The following DOCK8 variants were observed in gnomAD, a reference collection of about 807,000 sequenced individuals.
DOCK8 encodes dedicator of cytokinesis protein 8.
In DOCK8, 141 loss-of-function variants were observed where a neutral mutation model predicts 245.6. The ratio of observed to expected loss-of-function variants is 0.57; its 90% CI spans 0.50 to 0.66. The LOEUF (loss-of-function observed/expected upper bound fraction) is 0.66, where lower values mean the gene tolerates loss of function less well. Among genes scored for constraint, DOCK8 ranks in the 30% least tolerant of loss-of-function variants. DOCK8 has a pLI of 0.00. For synonymous variants in DOCK8, 1,168 were observed against 970.2 expected (o/e 1.20, Z -3.79); for missense variants, 2,965 against 2,603.4 (o/e 1.14, Z -3.02).
chr9:271,132 G>A (rs10967209), intron 1 of DOCK8, among the ~76,000 whole-genome samples: 17,726 of 152,254 alleles, frequency 0.12, 1,376 homozygotes, highest in East Asian at 0.39. Context: ...TAGCATCGAA[G>A]GTGCCTACAG....
chr9:228,341 T>C (rs1041663306), intron 1 of DOCK8, among the ~76,000 whole-genome samples: 1 of 152,198 alleles, frequency 6.6e-6, no homozygotes, highest in African/African-American at 2.4e-5. Context: ...TGCACCAGCA[T>C]TAAGACTTCT....
rs549953927 is a variant in DOCK8 at position 231,884 on chromosome 9, T to G, written c.53+16855T>G. Among the ~76,000 whole-genome samples the G allele has an allele frequency of 4.3e-3, 653 of 152,306 alleles. 7 individuals carry two copies. The highest frequency in any genetic ancestry group is 0.014 in the African/African-American group (593 of 41,568). On this transcript the variant is annotated intron_variant, in intron 1 of 47. Coordinates refer to ENST00000432829, the MANE Select transcript of DOCK8 (RefSeq NM_203447.4). ...TTCCTCTTTTCCTAATTGAATACCC[T>G]TTATTTCCTTCTCCTGCCTGATTGC...
At chr9:353,460 A>G (rs1185689854) in intron 14 of DOCK8, among the ~76,000 whole-genome samples, 1 of 152,216 alleles carries the variant, frequency 6.6e-6, no homozygotes, top group East Asian at 1.9e-4. Flanking sequence ...GTAGAGAACT[A>G]ATAAAGGATC....
In DOCK8 at chr9:401,025, CCTT is replaced by C. The variant is rs1173602550; in HGVS notation, c.3234+1768_3234+1770del. On this transcript the variant is annotated intron_variant, in intron 26 of 47. Transcript: ENST00000432829. ...ACCATTAGCTCCACCATGACCACCT[CCTT>C]CACCTCCACCATCACTTCTTCCACC... 6.0e-4 allele frequency among the ~76,000 whole-genome samples: 84 copies of C among 140,468 alleles called. 2 individuals are homozygous for C. Among genetic ancestry groups the C allele is most frequent in the Admixed American group, 1.1e-3 (15 of 13,868 alleles). 92.2% of individuals were successfully genotyped at this position (140,468 alleles called of 152,430 possible).
chr9:260,603 A>T lies in DOCK8; in HGVS notation c.54-11024A>T, dbSNP rs7864251. On this transcript the variant is annotated intron_variant, in intron 1 of 47. Coordinates refer to ENST00000432829, the MANE Select transcript of DOCK8 (RefSeq NM_203447.4). Reference sequence around the variant, plus strand: ...GACTTTATTCCACAGATATATTTATACATGTATGAGTTCACATGTACAGTT... The same window carrying T: ...GACTTTATTCCACAGATATATTTATTCATGTATGAGTTCACATGTACAGTT... 2.5e-3 allele frequency among the ~76,000 whole-genome samples: 375 copies of T among 152,352 alleles called. 1 individual carries two copies. The highest frequency in any genetic ancestry group is 8.6e-3 in the African/African-American group (356 of 41,570).
chr9:310,938 A>C (rs2130681655), intron 5 of DOCK8, among the ~76,000 whole-genome samples: 1 of 152,298 alleles, frequency 6.6e-6, no homozygotes, highest in Admixed American at 6.5e-5. Context: ...AATATGGCAA[A>C]GCATGAGAGG....
chr9:332,918 A>T (rs919518484), intron 10 of DOCK8, among the ~76,000 whole-genome samples: 4 of 151,896 alleles, frequency 2.6e-5, no homozygotes, highest in Non-Finnish European at 4.4e-5. Flanking sequence ...TCAGCCTCCC[A>T]AAGTGTTGGG....
At chr9:365,872 A>C (rs554058136) in intron 14 of DOCK8, 64 of 325,538 alleles carry the variant, frequency 2.0e-4, no homozygotes, top group South Asian at 7.8e-4. Context: ...CTGCACCCCA[A>C]CTGTCAACTG....
chr9:454,249 C>T (rs1208816598), intron 46 of DOCK8: 1 of 152,066 alleles, frequency 6.6e-6, no homozygotes, highest in Non-Finnish European at 1.5e-5. Flanking sequence ...GCTTTAGTTA[C>T]CCATGGTTTG....
Position 414,966 on chromosome 9 carries a change from G to C in DOCK8, c.3700+15G>C. On this transcript the variant is annotated intron_variant, in intron 29 of 47. Coordinates refer to ENST00000432829, the MANE Select transcript of DOCK8 (RefSeq NM_203447.4). Reference sequence around the variant, plus strand: ...TGACTTTACAGGTAATGGCCCTTCTGTTTTCTTTCTTGGATTGTTGGGGGC... The same window carrying C: ...TGACTTTACAGGTAATGGCCCTTCTCTTTTCTTTCTTGGATTGTTGGGGGC... 1 of 1,612,636 alleles carries C rather than the reference G, an allele frequency of 6.2e-7. No homozygotes were observed. The highest frequency in any genetic ancestry group is 2.2e-5 in the East Asian group (1 of 44,882).
In DOCK8 at chr9:240,296, C is replaced by T. The variant is rs536443125; in HGVS notation, c.53+25267C>T. Among the ~76,000 whole-genome samples the T allele has an allele frequency of 3.3e-5, 5 of 152,018 alleles. No individual in the cohort carries two copies. The South Asian group carries it at 1.0e-3, about 32-fold the overall frequency. On this transcript the variant is annotated intron_variant, in intron 1 of 47. Transcript: ENST00000432829. ...CAACCTCATAAGATGGAACTAAACC[C>T]ATTATTATGATTGAGTCAGCAAACT...
chr9:212,615 A>G (rs1236408835), upstream of DOCK8, among the ~76,000 whole-genome samples: 2 of 152,228 alleles, frequency 1.3e-5, no homozygotes, highest in African/African-American at 4.8e-5. Context: ...TTCATGGTGA[A>G]TTGTTAAAAG....
intron 26 of DOCK8, 22 bp from the exon 27 acceptor site, chr9:404,896 C>T: frequency 1.2e-6 from 2 of 1,613,434 alleles, no homozygotes; most frequent in South Asian, 1.1e-5. Context: ...TGTTTCATTC[C>T]TCTTTTCATT....
intron 26 of DOCK8, among the ~76,000 whole-genome samples, chr9:404,208 C>T (rs1309664491): frequency 1.3e-5 from 2 of 151,698 alleles, no homozygotes; most frequent in African/African-American, 2.4e-5. Flanking sequence ...TTCAGTTGTT[C>T]AGCTTGCCTG....
chr9:435,270 C>T lies in DOCK8; in HGVS notation c.5079+295C>T, dbSNP rs867798199. 2.6e-5 allele frequency among the ~76,000 whole-genome samples: 4 copies of T among 152,162 alleles called. No homozygotes were observed. The East Asian group carries it at 7.7e-4, about 29-fold the overall frequency. ...CTTCTTCTAATTGCTTTCCCATCGT[C>T]GTTGGGTTTTTTTTAAATTACTGTT... On this transcript the variant is annotated intron_variant, in intron 39 of 47. Coordinates refer to ENST00000432829, the MANE Select transcript of DOCK8 (RefSeq NM_203447.4).
chr9:400,992 C>CCAT (rs1564017172), intron 26 of DOCK8, among the ~76,000 whole-genome samples: 2 of 126,858 alleles, frequency 1.6e-5, no homozygotes, highest in African/African-American at 2.6e-5. Flanking sequence ...ACCTCCTCCA[C>CCAT]CACCACCACC....
At chr9:275,896 AC>A (rs147805177) in intron 2 of DOCK8, among the ~76,000 whole-genome samples, 47,845 of 123,664 alleles carry the variant, frequency 0.39, 7,895 homozygotes, top group African/African-American at 0.49. Flanking sequence ...GCCTAGTTTT[AC>A]TTTTTTTTTT....
At position 253,208 on chromosome 9, in the gene DOCK8, T is replaced by A. The variant is rs112289605; in HGVS notation, c.54-18419T>A. ...ATGAAATTAGGTGGATATAGATTAG[T>A]CTGATGTAGGAATATCACACTGTAC... is the stretch of plus-strand genomic sequence containing the variant. On this transcript the variant is annotated intron_variant, in intron 1 of 47. Transcript: ENST00000432829. Among the ~76,000 whole-genome samples, 308 of 152,300 alleles carry A rather than the reference T, an allele frequency of 2.0e-3. 3 individuals carry two copies. The highest frequency in any genetic ancestry group is 7.0e-3 in the African/African-American group (290 of 41,548).
chr9:382,027 A>C (rs1296697277), intron 21 of DOCK8, among the ~76,000 whole-genome samples: 1 of 152,186 alleles, frequency 6.6e-6, no homozygotes, highest in African/African-American at 2.4e-5. Flanking sequence ...ACATGTCAAC[A>C]TTTAAAGATG....
Sources: gnomAD v4.1 joint callset for allele counts (sites outside exome capture counted in the v4.1 genomes callset) on GRCh38, gnomAD v4.1.1 for gene constraint, MANE v1.5 for transcripts, NCBI Gene and HGNC (gene_info 2026-07-23, HGNC 2026-07-21) for gene names.